ITGA10: variants seen among roughly 807,000 people sequenced by gnomAD.
The protein encoded by ITGA10 is integrin subunit alpha 10.
In ITGA10, 105 loss-of-function variants were observed where a neutral mutation model predicts 145.2. That is an observed-to-expected ratio of 0.72 (90% CI 0.62 to 0.85). ITGA10 has a LOEUF of 0.85. Among genes scored for constraint, ITGA10 ranks in the 40% least tolerant of loss-of-function variants. ITGA10 has a pLI of 0.00. For synonymous variants in ITGA10, 506 were observed against 557.8 expected, an observed-to-expected ratio of 0.91 and a Z score of 1.31; for missense variants, 1,317 against 1,444.5, an observed-to-expected ratio of 0.91 and a Z score of 1.43.
At chr1:145,899,107 G>A (rs782758375) in intron 16 of ITGA10, 29 bp from the exon 17 acceptor site, 2 of 1,614,158 alleles carry the variant, frequency 1.2e-6, no homozygotes, top group Non-Finnish European at 1.7e-6. Flanking sequence ...AGTGAGGGTG[G>A]AAAGGGGTCT....
chr1:145,906,944 C>A (rs782077300), intron 3 of ITGA10, 97 bp downstream of exon 3: 3 of 1,149,376 alleles, frequency 2.6e-6, no homozygotes, highest in Non-Finnish European at 2.5e-6. Context: ...AGGGAGTATG[C>A]GGATTTTAGG....
At position 145,901,528 on chromosome 1, in the gene ITGA10, G is replaced by T; in HGVS notation, c.1431C>A (p.Leu477=). 1.3e-6 allele frequency: 2 copies of T among 1,577,600 alleles called. No homozygotes were observed. The highest frequency in any genetic ancestry group is 1.7e-6 in the Non-Finnish European group (2 of 1,164,832). The change falls in exon 12 of 30, where the codon CTC becomes CTA. Residue 477 remains leucine, a synonymous_variant. Transcript: ENST00000369304. The surrounding 1 kb of genome is among the most constrained non-coding windows in gnomAD (Gnocchi z 4.3). ...TTGGATGCCCTACCTGCTCCCCCTG[G>T]AGGCTCTGGGCAACCCTCACAGCCC... ...KDGAVRVAQS[L]QGEQIGSYFG...
At chr1:145,902,406 A>C in intron 9 of ITGA10, 48 bp downstream of exon 9, 1 of 1,608,682 alleles carries the variant, frequency 6.2e-7, no homozygotes, top group South Asian at 1.1e-5. Flanking sequence ...CCCCACCTAC[A>C]CTCCAGAACT....
At chr1:145,895,817 C>A in intron 25 of ITGA10, 106 bp from the exon 26 acceptor site, 2 of 1,113,896 alleles carry the variant, frequency 1.8e-6, no homozygotes, top group South Asian at 1.4e-5. Context: ...CCTTATAATA[C>A]CTTTTTCTTC....
intron 5 of ITGA10, chr1:145,906,166 T>C (rs1484783388): frequency 2.3e-6 from 1 of 441,968 alleles, no homozygotes; most frequent in Admixed American, 3.8e-5. Context: ...TGACCTCAAG[T>C]GATCTGCCCA....
rs1160722949 is a variant in ITGA10, at chr1:145,898,195, G to T, written c.2261C>A (p.Ala754Asp). 1.2e-5 allele frequency: 19 copies of T among 1,613,900 alleles called. No homozygotes were observed. Among genetic ancestry groups the T allele is most frequent in the Middle Eastern group, 1.6e-4 (1 of 6,062 alleles). The part of the protein sequence containing the change: ...LDTSDYLRPV[A>D]LTVTFALDNT... ...GTCCAAGGCAAAGGTCACAGTCAAG[G>T]CCACTGGCCGGAGGTAATCTGATGT... The change falls in exon 18 of 30, where the codon GCC (alanine) becomes GAC (aspartate). Residue 754 changes from alanine (A) to aspartate (D), a missense_variant. By Grantham distance (126) the Ala-to-Asp change is moderately radical (BLOSUM62 -2). Transcript: ENST00000369304.
chr1:145,905,481 C>G (rs58029825), intron 5 of ITGA10, among the ~76,000 whole-genome samples: 13,173 of 152,018 alleles, frequency 0.087, 1,792 homozygotes, highest in African/African-American at 0.29. Context: ...GGGTTTTACT[C>G]TGTTAGCCAG....
chr1:145,902,616 G>C lies in ITGA10; in HGVS notation c.913C>G (p.Leu305Val). The C allele has an allele frequency of 6.3e-7, 1 of 1,597,386 alleles. No homozygotes were observed. Among genetic ancestry groups the C allele is most frequent in the Non-Finnish European group, 8.5e-7 (1 of 1,173,038 alleles). ...CGCTGCCGCCGGAGGTAGTGACCAA[G>C]GACCTAAGAGGTCATAAGATCAAGG... ...GRVTRYGIAV[L>V]GHYLRRQRDP... Residue 305 changes from leucine (L) to valine (V), a missense_variant, in exon 9 of 30, where the codon CTT (leucine) becomes GTT (valine). By Grantham distance (32) the Leu-to-Val change is conservative. Transcript: ENST00000369304.
At chr1:145,900,522 CA>C (rs1656135067) in intron 14 of ITGA10, among the ~76,000 whole-genome samples, 1 of 152,058 alleles carries the variant, frequency 6.6e-6, no homozygotes, top group Admixed American at 6.6e-5. Flanking sequence ...CTCAGCCTTC[CA>C]AAGTGCTGGG....
chr1:145,893,322 T>A (rs1262113841), intron 28 of ITGA10, 48 bp from the exon 29 acceptor site: 14 of 1,327,090 alleles, frequency 1.1e-5, no homozygotes, highest in Non-Finnish European at 1.4e-5. Context: ...ATAACCCAGC[T>A]AGCCTCACCC....
At position 145,901,525 on chromosome 1, in the gene ITGA10, C is replaced by T. The variant is rs142042030; in HGVS notation, c.1434G>A (p.Gln478=). 1.3e-6 allele frequency: 2 copies of T among 1,575,582 alleles called. No homozygotes were observed. The highest frequency in any genetic ancestry group is 4.5e-5 in the East Asian group (2 of 44,614). ...DGAVRVAQSL[Q]GEQIGSYFGS... is the part of the protein sequence containing the mutation. ...TCCTTGGATGCCCTACCTGCTCCCC[C>T]TGGAGGCTCTGGGCAACCCTCACAG... is the stretch of plus-strand genomic sequence containing the variant. The change falls in exon 12 of 30, where the codon CAG becomes CAA. Residue 478 remains glutamine, a synonymous_variant. Coordinates refer to ENST00000369304, the MANE Select transcript of ITGA10 (RefSeq NM_003637.5). The surrounding 1 kb of genome is among the most constrained non-coding windows in gnomAD (Gnocchi z 4.3).
At position 145,897,241 on chromosome 1, in the gene ITGA10, A is replaced by G. The variant is rs782760103; in HGVS notation, c.2667+6T>C. 1 of 1,613,564 alleles carries G rather than the reference A, an allele frequency of 6.2e-7. No individual in the cohort carries two copies. Among genetic ancestry groups the G allele is most frequent in the Non-Finnish European group, 8.5e-7 (1 of 1,179,764 alleles). The stretch of plus-strand genomic sequence containing the variant: ...AGCCCTCTTTTCATCCTAGACCCCA[A>G]CCCACCTTGGCTCCAGTCTGGAAGA... On this transcript the variant is annotated splice_donor_region_variant and intron_variant, in intron 21 of 29. Coordinates refer to ENST00000369304, the MANE Select transcript of ITGA10 (RefSeq NM_003637.5).
intron 4 of ITGA10, 55 bp from the exon 5 acceptor site, chr1:145,906,563 G>A: frequency 6.7e-7 from 1 of 1,488,770 alleles, no homozygotes; most frequent in Non-Finnish European, 9.4e-7. Context: ...CTCAGAACAT[G>A]CTCCCAGTTG....
intron 2 of ITGA10, 52 bp downstream of exon 2, chr1:145,907,302 T>C (rs1657287478): frequency 1.2e-6 from 2 of 1,613,612 alleles, no homozygotes; most frequent in Admixed American, 1.7e-5. Context: ...TGCCTCCCCT[T>C]TGTTAGCACT....
In ITGA10 at chr1:145,897,293, G is replaced by A; in HGVS notation, c.2621C>T (p.Ala874Val). ...KVECAAPSAH[A>V]RLCSVGHPVF... ...AGGATGCCCCACACTGCAGAGCCGG[G>A]CATGAGCAGAAGGGGCGGCACATTC... Residue 874 changes from alanine (A) to valine (V), a missense_variant, in exon 21 of 30, where the codon GCC becomes GTC. Transcript: ENST00000369304. 6.2e-7 allele frequency: 1 copy of A among 1,614,106 alleles called. No homozygotes were observed. Among genetic ancestry groups the A allele is most frequent in the Non-Finnish European group, 8.5e-7 (1 of 1,180,022 alleles).
intron 15 of ITGA10, among the ~76,000 whole-genome samples, chr1:145,899,850 T>C (rs1288595913): frequency 4.6e-5 from 7 of 152,192 alleles, no homozygotes; most frequent in African/African-American, 1.7e-4. Flanking sequence ...CTAGGCACTG[T>C]GTTCAAATCA....
At chr1:145,902,141 A>G in intron 10 of ITGA10, 105 bp downstream of exon 10, 1 of 1,565,724 alleles carries the variant, frequency 6.4e-7, no homozygotes, top group South Asian at 1.1e-5. Flanking sequence ...AGGCATGGGA[A>G]GGTGAGCATG....
At chr1:145,902,180 G>T in intron 10 of ITGA10, 66 bp downstream of exon 10, 4 of 1,573,324 alleles carry the variant, frequency 2.5e-6, no homozygotes, top group Non-Finnish European at 2.6e-6. Flanking sequence ...AATCTGGAGG[G>T]CCCTGTGGTT....
Position 145,901,707 on chromosome 1 carries a change from G to T in ITGA10, c.1295-43C>A, listed in dbSNP as rs782778266. 15 of 1,537,472 alleles carry T rather than the reference G, an allele frequency of 9.8e-6. No homozygotes were observed. The highest frequency in any genetic ancestry group is 2.1e-5 in the Admixed American group (1 of 48,606). ...AACAGAGGTAAAGGAAAAGAAGATG[G>T]GGTCCAGAGTAGGGGGGTTCCCTAA... On this transcript the variant is annotated intron_variant, in intron 11 of 29. Coordinates refer to ENST00000369304, the MANE Select transcript of ITGA10 (RefSeq NM_003637.5). The surrounding 1 kb of genome is among the most constrained non-coding windows in gnomAD (Gnocchi z 4.3).
Sources: allele counts gnomAD v4.1 joint callset (sites outside exome capture counted in the v4.1 genomes callset), GRCh38; gene constraint gnomAD v4.1.1; non-coding constraint Gnocchi (gnomAD v3.1); transcripts MANE v1.5; gene names NCBI Gene and HGNC (gene_info 2026-07-23, HGNC 2026-07-21).